CHLSN: variants seen among roughly 807,000 people sequenced by gnomAD.
CHLSN encodes the protein protein cholesin.
chr7:1,106,354 G>A, the CHLSN span, among the ~76,000 whole-genome samples: 2 of 152,208 alleles, frequency 1.3e-5, no homozygotes, highest in Admixed American at 6.5e-5. Context: ...CCAGAGACAC[G>A]TCCTTCCAGC....
the CHLSN span, among the ~76,000 whole-genome samples, chr7:980,760 T>C: frequency 2.7e-5 from 4 of 146,854 alleles, no homozygotes; most frequent in Admixed American, 2.1e-4. Context: ...CCATCTCAGC[T>C]CACTGCAAGC....
the CHLSN span, among the ~76,000 whole-genome samples, chr7:1,006,443 A>G: frequency 6.7e-6 from 1 of 148,634 alleles, no homozygotes; most frequent in Non-Finnish European, 1.5e-5. Context: ...CAGCGCAGGG[A>G]AAGAGCACAC....
chr7:1,082,894 T>C, the CHLSN span, among the ~76,000 whole-genome samples: 5 of 152,070 alleles, frequency 3.3e-5, no homozygotes, highest in Non-Finnish European at 5.9e-5. Context: ...AAAGAAAGGG[T>C]TCACGATGTC....
the CHLSN span, among the ~76,000 whole-genome samples, chr7:1,079,566 A>G: frequency 1.3e-5 from 2 of 152,234 alleles, no homozygotes; most frequent in African/African-American, 4.8e-5. Context: ...GGCCGGGAAA[A>G]CATTCAATAA....
chr7:1,124,230 G>A, the CHLSN span, among the ~76,000 whole-genome samples: 1 of 151,880 alleles, frequency 6.6e-6, no homozygotes, highest in Non-Finnish European at 1.5e-5. Context: ...TCCCTCACTT[G>A]GGCAGGAGTT....
the CHLSN span, chr7:1,057,638 C>T: frequency 6.9e-3 from 5,327 of 770,380 alleles, 31 homozygotes; most frequent in Middle Eastern, 0.015. Context: ...TGCCAGTGGG[C>T]CTGTGCTACA....
the CHLSN span, among the ~76,000 whole-genome samples, chr7:998,273 C>T: frequency 6.6e-6 from 1 of 152,168 alleles, no homozygotes; most frequent in African/African-American, 2.4e-5. Context: ...TCACCAGTCA[C>T]CTGACAATCT....
the CHLSN span, among the ~76,000 whole-genome samples, chr7:982,422 C>T: frequency 2.2e-4 from 34 of 152,340 alleles, no homozygotes; most frequent in East Asian, 1.2e-3. Context: ...AAAGCAGGCC[C>T]GGCCGCTTCT....
chr7:1,068,358 G>A, the CHLSN span, among the ~76,000 whole-genome samples: 2 of 152,082 alleles, frequency 1.3e-5, no homozygotes, highest in Non-Finnish European at 2.9e-5. Context: ...ACATCCCCAT[G>A]GTCACTGCCA....
chr7:1,121,498 G>A, the CHLSN span, among the ~76,000 whole-genome samples: 1 of 152,194 alleles, frequency 6.6e-6, no homozygotes, highest in African/African-American at 2.4e-5. Flanking sequence ...CTCATTTGAT[G>A]GTTTTATAAA....
At chr7:1,044,150 G>C in the CHLSN span, among the ~76,000 whole-genome samples, 1 of 152,224 alleles carries the variant, frequency 6.6e-6, no homozygotes, top group Non-Finnish European at 1.5e-5. Context: ...AAGAGGGGCA[G>C]GTGTACCTGG....
the CHLSN span, among the ~76,000 whole-genome samples, chr7:1,041,326 G>GGGGACCTGGGCTCTGCACTGCGGGGAAC: frequency 1.3e-5 from 1 of 77,366 alleles, no homozygotes; most frequent in African/African-American, 5.3e-5. Flanking sequence ...CTGCGGGGAA[G>GGGGACCTGGGCTCTGCACTGCGGGGAAC]GGGGCCTGGG....
the CHLSN span, among the ~76,000 whole-genome samples, chr7:1,075,449 G>A: frequency 6.6e-6 from 1 of 151,452 alleles, no homozygotes; most frequent in African/African-American, 2.4e-5. Flanking sequence ...GCTTGAACTG[G>A]GGAGGCAGAG....
At chr7:1,102,102 C>T in the CHLSN span, among the ~76,000 whole-genome samples, 31,473 of 152,260 alleles carry the variant, frequency 0.21, 3,515 homozygotes, top group Middle Eastern at 0.33. Flanking sequence ...GCACCACCCA[C>T]GTTAACCATC....
the CHLSN span, among the ~76,000 whole-genome samples, chr7:979,550 A>G: frequency 1.2e-4 from 18 of 152,040 alleles, no homozygotes; most frequent in South Asian, 2.1e-4. Flanking sequence ...TTAGGAGTTC[A>G]AGACCAGCCT....
the CHLSN span, among the ~76,000 whole-genome samples, chr7:1,015,502 G>A: frequency 1.3e-5 from 2 of 152,254 alleles, no homozygotes; most frequent in African/African-American, 2.4e-5. Context: ...TTTAGAAAAA[G>A]TCATCTGTTC....
chr7:1,085,294 C>T, the CHLSN span, among the ~76,000 whole-genome samples: 2 of 152,190 alleles, frequency 1.3e-5, no homozygotes, highest in African/African-American at 4.8e-5. Flanking sequence ...AAATTCATAA[C>T]GACATCAGAT....
chr7:1,071,045 C>A, the CHLSN span, among the ~76,000 whole-genome samples: 1 of 152,248 alleles, frequency 6.6e-6, no homozygotes, highest in Non-Finnish European at 1.5e-5. Context: ...CATGCAGCCC[C>A]GAGGCAGTGC....
chr7:1,119,397 A>G, the CHLSN span, among the ~76,000 whole-genome samples: 1 of 152,248 alleles, frequency 6.6e-6, no homozygotes, highest in Non-Finnish European at 1.5e-5. Context: ...AGCACCGGCA[A>G]CAAAAGAAAA....
Sources: gnomAD v4.1 joint callset for allele counts (sites outside exome capture counted in the v4.1 genomes callset) on GRCh38, gnomAD v4.1.1 for gene constraint, MANE v1.5 for transcripts, NCBI Gene and HGNC (gene_info 2026-07-23, HGNC 2026-07-21) for gene names.